CNBD1: variants seen among roughly 807,000 people sequenced by gnomAD.
The protein encoded by CNBD1 is cyclic nucleotide binding domain containing 1.
In CNBD1, 71 loss-of-function variants were observed where a neutral mutation model predicts 54.4. That is an observed-to-expected ratio of 1.30 (90% confidence interval 1.08 to 1.59). CNBD1 has a LOEUF of 1.59. Ranked by LOEUF, CNBD1 falls within the 40% of genes most tolerant of loss-of-function variation. CNBD1 has a pLI of 0.00. For missense variants in CNBD1, 659 were observed against 518.0 expected (o/e 1.27, Z -2.64); for synonymous variants, 182 against 170.7 (o/e 1.07, Z -0.51).
intron 4 of CNBD1, among the ~76,000 whole-genome samples, chr8:87,075,883 A>T (rs114045568): frequency 5.9e-5 from 9 of 152,198 alleles, no homozygotes; most frequent in Non-Finnish European, 1.0e-4. Context: ...TAAAATGTAC[A>T]TGGGAGTTTG....
chr8:87,391,527 T>C (rs1811310433), intron 2 of CNBD1, among the ~76,000 whole-genome samples: 1 of 152,106 alleles, frequency 6.6e-6, no homozygotes, highest in South Asian at 2.1e-4. Flanking sequence ...TAATTGAATG[T>C]CCATAAATAA....
chr8:87,422,959 G>GT (rs1807968168), intron 2 of CNBD1, among the ~76,000 whole-genome samples: 1 of 151,798 alleles, frequency 6.6e-6, no homozygotes. Context: ...TTGAGCAGCG[G>GT]TTTGTAGTTC....
At chr8:87,316,339 T>C (rs1563549180) in intron 8 of CNBD1, among the ~76,000 whole-genome samples, 1 of 151,928 alleles carries the variant, frequency 6.6e-6, no homozygotes, top group Non-Finnish European at 1.5e-5. Flanking sequence ...TAACTTATAA[T>C]TTTGAAAATA....
At chr8:86,928,602 T>C (rs1809404763) in intron 3 of CNBD1, among the ~76,000 whole-genome samples, 1 of 152,224 alleles carries the variant, frequency 6.6e-6, no homozygotes, top group African/African-American at 2.4e-5. Context: ...TTTGCAGGCT[T>C]CTATCCAATT....
intron 4 of CNBD1, among the ~76,000 whole-genome samples, chr8:87,142,174 G>C (rs1812383655): frequency 6.6e-6 from 1 of 152,154 alleles, no homozygotes; most frequent in Non-Finnish European, 1.5e-5. Context: ...GTTATGAAAA[G>C]AAGGTTGTGT....
At chr8:87,335,201 C>A (rs1809919539) in intron 8 of CNBD1, among the ~76,000 whole-genome samples, 2 of 152,112 alleles carry the variant, frequency 1.3e-5, no homozygotes, top group African/African-American at 4.8e-5. Context: ...ATGGAGAGTT[C>A]TGTAGGTATC....
intron 4 of CNBD1, among the ~76,000 whole-genome samples, chr8:87,074,907 C>T (rs939947598): frequency 2.0e-5 from 3 of 152,186 alleles, no homozygotes; most frequent in Non-Finnish European, 4.4e-5. Context: ...ATTTCTTTAG[C>T]ATTAGGAATT....
chr8:87,077,204 A>G (rs1339482858), intron 4 of CNBD1, among the ~76,000 whole-genome samples: 1 of 152,158 alleles, frequency 6.6e-6, no homozygotes, highest in Admixed American at 6.5e-5. Flanking sequence ...TTGGGCTGCT[A>G]TAACAAATTA....
At chr8:87,389,356 C>T (rs980380311) in intron 2 of CNBD1, among the ~76,000 whole-genome samples, 2 of 152,076 alleles carry the variant, frequency 1.3e-5, no homozygotes, top group Admixed American at 6.6e-5. Context: ...AAAACCCCAG[C>T]GTCTCAGCCC....
chr8:86,899,534 A>G (rs1808900956), intron 2 of CNBD1, among the ~76,000 whole-genome samples: 1 of 152,166 alleles, frequency 6.6e-6, no homozygotes, highest in African/African-American at 2.4e-5. Flanking sequence ...TTGACTGGCT[A>G]TTCCTGATAT....
intron 3 of CNBD1, among the ~76,000 whole-genome samples, chr8:86,928,060 A>G (rs1004869628): frequency 3.3e-5 from 5 of 152,090 alleles, no homozygotes; most frequent in Admixed American, 3.3e-4. Context: ...CAAGTAATCC[A>G]TAGATGGGGA....
intron 4 of CNBD1, among the ~76,000 whole-genome samples, chr8:86,943,102 G>C (rs898305032): frequency 5.3e-5 from 8 of 151,364 alleles, no homozygotes; most frequent in Non-Finnish European, 1.2e-4. Flanking sequence ...ATAAATGCAG[G>C]CTGGGCGCAG....
intron 6 of CNBD1, among the ~76,000 whole-genome samples, chr8:87,246,262 T>A (rs1262719204): frequency 6.6e-6 from 1 of 152,174 alleles, no homozygotes; most frequent in Non-Finnish European, 1.5e-5. Flanking sequence ...ATTTCCCATG[T>A]CATAATTTCC....
At chr8:87,404,973 C>G (rs978723382) in intron 2 of CNBD1, among the ~76,000 whole-genome samples, 1 of 151,958 alleles carries the variant, frequency 6.6e-6, no homozygotes, top group African/African-American at 2.4e-5. Flanking sequence ...TTGATTATAA[C>G]TGGATTGAGT....
At position 87,294,684 on chromosome 8, in the gene CNBD1, A is replaced by T. The variant is rs114454594; in HGVS notation, c.1042+8013A>T. Among the ~76,000 whole-genome samples the T allele has an allele frequency of 6.0e-3, 912 of 152,316 alleles. 10 individuals carry two copies. The highest frequency in any genetic ancestry group is 0.02 in the African/African-American group (851 of 41,584). On this transcript the variant is annotated intron_variant, in intron 8 of 10. Coordinates refer to ENST00000518476, the MANE Select transcript of CNBD1 (RefSeq NM_173538.3). ...ATTTTCATTGATAGTCTTCATTGAC[A>T]TTATTTTCCCTTTACTCTTACTTTT...
chr8:87,118,608 A>G (rs1381891526), intron 4 of CNBD1, among the ~76,000 whole-genome samples: 1 of 152,176 alleles, frequency 6.6e-6, no homozygotes, highest in African/African-American at 2.4e-5. Flanking sequence ...TGAACAGGAC[A>G]TGGGATCATA....
At chr8:87,105,647 G>T (rs1429858174) in intron 4 of CNBD1, among the ~76,000 whole-genome samples, 1 of 152,116 alleles carries the variant, frequency 6.6e-6, no homozygotes, top group Non-Finnish European at 1.5e-5. Flanking sequence ...AAAAAGCATG[G>T]CCTCCCACCT....
At chr8:87,256,182 C>A (rs1265549895) in intron 6 of CNBD1, among the ~76,000 whole-genome samples, 1 of 150,012 alleles carries the variant, frequency 6.7e-6, no homozygotes, top group Non-Finnish European at 1.5e-5. Flanking sequence ...ACCATCATGC[C>A]CAGCTAATTT....
At chr8:86,937,428 C>T (rs1325692766) in intron 3 of CNBD1, among the ~76,000 whole-genome samples, 2 of 152,138 alleles carry the variant, frequency 1.3e-5, no homozygotes, top group Non-Finnish European at 2.9e-5. Flanking sequence ...ACCAATTGTA[C>T]CTTCCCAACA....
Sources: gnomAD v4.1 joint callset for allele counts (sites outside exome capture counted in the v4.1 genomes callset) on GRCh38, gnomAD v4.1.1 for gene constraint, MANE v1.5 for transcripts, NCBI Gene and HGNC (gene_info 2026-07-23, HGNC 2026-07-21) for gene names.